Variants in STX17 observed in about 807,000 individuals in gnomAD.
STX17 encodes syntaxin 17.
Under a neutral mutation model 35.9 loss-of-function variants are expected in STX17, and 29 were observed. The ratio of observed to expected loss-of-function variants is 0.81; its 90% CI spans 0.60 to 1.10. STX17 has a LOEUF of 1.10. STX17 is among the 50% of genes least tolerant of loss of function. The probability of loss-of-function intolerance (pLI) is 0.00; values close to 1 mark genes in which losing one functional copy is unlikely to be tolerated. For synonymous variants in STX17, 92 were observed against 118.3 expected (o/e 0.78, Z 1.44); for missense variants, 312 against 352.3 (o/e 0.89, Z 0.92).
chr9:99,946,749 C>CATAT (rs1829490530), intron 3 of STX17, among the ~76,000 whole-genome samples: 1 of 152,094 alleles, frequency 6.6e-6, no homozygotes, highest in Non-Finnish European at 1.5e-5. Context: ...ATTTTTGCAG[C>CATAT]ATATAGAACT....
chr9:99,959,879 A>G (rs1464325122), intron 4 of STX17, 38 bp from the exon 5 acceptor site: 1 of 1,460,608 alleles, frequency 6.8e-7, no homozygotes, highest in South Asian at 1.2e-5. Flanking sequence ...CTAACAAAGC[A>G]AATAAACTCT....
chr9:99,945,299 TACTTA>T (rs1412393248), intron 3 of STX17, among the ~76,000 whole-genome samples: 2 of 152,166 alleles, frequency 1.3e-5, no homozygotes, highest in Non-Finnish European at 2.9e-5. Flanking sequence ...TTATTAGGTG[TACTTA>T]ACTTAGGTAT....
intron 3 of STX17, among the ~76,000 whole-genome samples, chr9:99,943,456 C>T (rs973091807): frequency 1.1e-4 from 16 of 152,182 alleles, no homozygotes; most frequent in Middle Eastern, 3.4e-3. Flanking sequence ...TACAGGTGTG[C>T]GCCACCACGC....
intron 6 of STX17, among the ~76,000 whole-genome samples, chr9:99,961,813 C>G (rs1003636489): frequency 1.3e-5 from 2 of 151,996 alleles, no homozygotes; most frequent in Non-Finnish European, 2.9e-5. Context: ...TACTCTTGCC[C>G]CAATTTCTAA....
intron 4 of STX17, among the ~76,000 whole-genome samples, chr9:99,953,032 ATAAAAT>A (rs1829635683): frequency 6.6e-6 from 1 of 152,244 alleles, no homozygotes; most frequent in South Asian, 2.1e-4. Context: ...TATAATAACA[ATAAAAT>A]AAAAATAAGA....
At chr9:99,947,873 C>G (rs1349004015) in intron 3 of STX17, among the ~76,000 whole-genome samples, 1 of 151,958 alleles carries the variant, frequency 6.6e-6, no homozygotes, top group Non-Finnish European at 1.5e-5. Context: ...ACTCACCTCT[C>G]TAGATTTCCA....
At chr9:99,949,968 C>CA (rs1424065704) in intron 3 of STX17, among the ~76,000 whole-genome samples, 17 of 151,722 alleles carry the variant, frequency 1.1e-4, no homozygotes, top group African/African-American at 4.1e-4. Context: ...CACACACACT[C>CA]CTATGTGCTA....
intron 2 of STX17, 75 bp downstream of exon 2, chr9:99,915,437 T>G (rs1315187331): frequency 1.3e-6 from 2 of 1,498,042 alleles, no homozygotes; most frequent in Non-Finnish European, 1.8e-6. Context: ...TTCAGCTAAA[T>G]TTAGAATATT....
intron 7 of STX17, among the ~76,000 whole-genome samples, 200 bp from the exon 8 acceptor site, chr9:99,968,234 G>C (rs1227540513): frequency 1.3e-5 from 2 of 152,174 alleles, no homozygotes; most frequent in Admixed American, 1.3e-4. Context: ...TTGTAGCTCA[G>C]CTCTCTAAGT....
intron 1 of STX17, among the ~76,000 whole-genome samples, chr9:99,912,502 A>G (rs891302651): frequency 4.6e-5 from 7 of 152,202 alleles, no homozygotes; most frequent in Non-Finnish European, 1.0e-4. Flanking sequence ...AGTTTCTCAT[A>G]CATTCTAGAT....
intron 4 of STX17, among the ~76,000 whole-genome samples, chr9:99,959,669 C>T (rs1829788731): frequency 6.6e-6 from 1 of 151,916 alleles, no homozygotes; most frequent in African/African-American, 2.4e-5. Context: ...CTCTGTTGCC[C>T]AGACGGGTCT....
In STX17 at chr9:99,934,307, T is replaced by C. The variant is rs76492999; in HGVS notation, c.189+5464T>C. ...GTTTTTAGTTTAATCTGGAAACATT[T>C]TGAATAATAATTCAGGTGGATAGGG... On this transcript the variant is annotated intron_variant, in intron 3 of 7. Coordinates refer to ENST00000259400, the MANE Select transcript of STX17 (RefSeq NM_017919.3). Among the ~76,000 whole-genome samples, 1,462 of 152,310 alleles carry C rather than the reference T, an allele frequency of 9.6e-3. 9 individuals carry two copies. Among genetic ancestry groups the C allele is most frequent in the South Asian group, 0.02 (95 of 4,828 alleles).
intron 3 of STX17, among the ~76,000 whole-genome samples, chr9:99,948,447 A>G (rs951288415): frequency 1.3e-5 from 2 of 151,758 alleles, no homozygotes; most frequent in African/African-American, 4.8e-5. Flanking sequence ...TTTGTGTTGG[A>G]TGGTGTTTGC....
At chr9:99,909,528 G>T (rs1197604626) in intron 1 of STX17, among the ~76,000 whole-genome samples, 2 of 152,126 alleles carry the variant, frequency 1.3e-5, no homozygotes, top group African/African-American at 4.8e-5. Flanking sequence ...TGATAGATTG[G>T]GAAATGTTAA....
intron 3 of STX17, among the ~76,000 whole-genome samples, chr9:99,929,623 G>A (rs1422169594): frequency 2.0e-5 from 3 of 151,082 alleles, no homozygotes; most frequent in African/African-American, 2.4e-5. Context: ...CTTATGGTAG[G>A]TGGAGCTCTA....
chr9:99,938,779 C>A (rs949452470), intron 3 of STX17, among the ~76,000 whole-genome samples: 1 of 119,200 alleles, frequency 8.4e-6, no homozygotes, highest in African/African-American at 3.2e-5. Context: ...AGTGTGAGAC[C>A]TTGTCTGGAA....
intron 6 of STX17, among the ~76,000 whole-genome samples, chr9:99,965,110 G>A (rs1829889995): frequency 6.6e-6 from 1 of 152,148 alleles, no homozygotes; most frequent in Admixed American, 6.5e-5. Flanking sequence ...ACTCCCCAGG[G>A]TGGGATGGGC....
chr9:99,968,560 G>A lies in STX17; in HGVS notation c.796G>A (p.Val266Met), dbSNP rs1237439124. ...AGIAAALGGG[V>M]LGFTGGKLIQ... ...AATTGCAGCTGCACTTGGTGGTGGG[G>A]TGTTGGGCTTCACAGGTGGAAAATT... Residue 266 changes from valine to methionine, a missense_variant, in exon 8 of 8, where the codon GTG (valine) becomes ATG (methionine). By Grantham distance (21) the Val-to-Met change is conservative. Coordinates refer to ENST00000259400, the MANE Select transcript of STX17 (RefSeq NM_017919.3). The A allele has an allele frequency of 4.3e-6, 7 of 1,613,950 alleles. No homozygotes were observed. Among genetic ancestry groups the A allele is most frequent in the Non-Finnish European group, 5.9e-6 (7 of 1,179,948 alleles).
In STX17 at chr9:99,969,859, A is replaced by G. The variant is rs190795894; in HGVS notation, c.*1186A>G. The G allele has an allele frequency of 1.7e-3, 266 of 152,744 alleles. No individual in the cohort carries two copies. The highest frequency in any genetic ancestry group is 6.1e-3 in the African/African-American group (254 of 41,512). The allele number at this position is 152,744 out of a possible 1,614,324, so 9.5% of individuals were successfully genotyped here. On this transcript the variant is annotated 3_prime_UTR_variant, in exon 8 of 8. Coordinates refer to ENST00000259400, the MANE Select transcript of STX17 (RefSeq NM_017919.3). Reference sequence around the variant, plus strand: ...GCTTACCTTTCTCACATTCTAGACAATGATGGACAAAGACGCATGCAAGAC... The same window carrying G: ...GCTTACCTTTCTCACATTCTAGACAGTGATGGACAAAGACGCATGCAAGAC...
Sources: allele counts gnomAD v4.1 joint callset (sites outside exome capture counted in the v4.1 genomes callset), GRCh38; gene constraint gnomAD v4.1.1; transcripts MANE v1.5; gene names NCBI Gene and HGNC (gene_info 2026-07-23, HGNC 2026-07-21).